MYO1H: variants seen among roughly 807,000 people sequenced by gnomAD.
MYO1H encodes unconventional myosin-Ih.
MYO1H carries 118 observed loss-of-function variants against 149.3 expected under a neutral mutation model. The observed-to-expected ratio is 0.79, with a 90% confidence interval of 0.68 to 0.92. The LOEUF (loss-of-function observed/expected upper bound fraction) is 0.92. Ranked by LOEUF, MYO1H falls within the 40% of genes least tolerant of loss-of-function variation. The pLI, the probability that MYO1H is intolerant of heterozygous loss-of-function variation, is 0.00. For missense variants in MYO1H, 1,212 were observed against 1,280.7 expected (o/e 0.95, Z 0.82); for synonymous variants, 447 against 465.2 (o/e 0.96, Z 0.50).
chr12:109,414,029 G>T (rs887048499), intron 14 of MYO1H, among the ~76,000 whole-genome samples: 3 of 152,160 alleles, frequency 2.0e-5, no homozygotes, highest in African/African-American at 7.2e-5. Context: ...CTCAAAGTGG[G>T]GGTTCTCAGG....
chr12:109,438,305 C>T (rs1317119564), intron 22 of MYO1H, among the ~76,000 whole-genome samples: 1 of 152,064 alleles, frequency 6.6e-6, no homozygotes, highest in Non-Finnish European at 1.5e-5. Flanking sequence ...TCAGGGCTTC[C>T]CTAGAAACCT....
At chr12:109,408,540 T>C (rs1870498046) in intron 10 of MYO1H, among the ~76,000 whole-genome samples, 1 of 152,142 alleles carries the variant, frequency 6.6e-6, no homozygotes, top group Non-Finnish European at 1.5e-5. Flanking sequence ...TTTTAACATA[T>C]TTACGAAAAA....
In MYO1H at chr12:109,406,467, TAAAAAAAAAAAAAAAAAA is replaced by T. The variant is rs56744077; in HGVS notation, c.964-306_964-289del. Among the ~76,000 whole-genome samples the T allele has an allele frequency of 7.1e-3, 311 of 43,654 alleles. 5 individuals carry two copies. Among genetic ancestry groups the T allele is most frequent in the African/African-American group, 0.029 (298 of 10,120 alleles). The allele number at this position is 43,654 out of a possible 152,430, so 28.6% of individuals were successfully genotyped here. ...GGCAACATAGTGAGACCCTATCTCT[TAAAAAAAAAAAAAAAAAA>T]AAAAAAAAAAAAAAATTAGCTATGA... is the stretch of plus-strand genomic sequence containing the variant. On this transcript the variant is annotated intron_variant, in intron 8 of 31. Transcript: ENST00000310903.
intron 15 of MYO1H, among the ~76,000 whole-genome samples, chr12:109,417,973 G>A (rs1296703503): frequency 2.0e-5 from 3 of 151,124 alleles, no homozygotes; most frequent in Admixed American, 6.6e-5. Flanking sequence ...CCGCCACCAC[G>A]CCCGGCTAAT....
At chr12:109,370,462 C>G (rs1868958028) in intron 1 of MYO1H, among the ~76,000 whole-genome samples, 1 of 152,216 alleles carries the variant, frequency 6.6e-6, no homozygotes, top group Admixed American at 6.5e-5. Context: ...TCCCCCATCA[C>G]TTAGCTTCCC....
At chr12:109,440,993 A>G (rs913421795) in intron 25 of MYO1H, among the ~76,000 whole-genome samples, 166 bp downstream of exon 25, 2 of 152,212 alleles carry the variant, frequency 1.3e-5, no homozygotes, top group Admixed American at 6.5e-5. Context: ...AGAGCCCTGG[A>G]TGAATGCCAG....
intron 15 of MYO1H, among the ~76,000 whole-genome samples, chr12:109,418,803 C>T (rs1871043187): frequency 6.6e-6 from 1 of 152,206 alleles, no homozygotes; most frequent in South Asian, 2.1e-4. Flanking sequence ...CTCAGCCTCT[C>T]AAAGTGCTGG....
At chr12:109,444,562 T>C in intron 30 of MYO1H, 33 bp downstream of exon 30, 1 of 1,538,736 alleles carries the variant, frequency 6.5e-7, no homozygotes, top group East Asian at 2.2e-5. Flanking sequence ...CAGGAAGTAA[T>C]TCAATGTTAA....
In MYO1H at chr12:109,415,522, GTAGCCGTAA is replaced by G. The variant is rs1566034346; in HGVS notation, c.1503-3_1508del. 1 of 1,599,886 alleles carries G rather than the reference GTAGCCGTAA, an allele frequency of 6.3e-7. No homozygotes were observed. Among genetic ancestry groups the G allele is most frequent in the South Asian group, 1.1e-5 (1 of 88,334 alleles). ...TTCAACTCGTGTCTATTTCTGTCTCGTAGCCGTAAGCTGGCTGGTCCAAAGGGCCGAAAG... is the reference window on the plus strand; with the variant it reads ...TTCAACTCGTGTCTATTTCTGTCTCGGCTGGCTGGTCCAAAGGGCCGAAAG... On this transcript the variant is annotated splice_acceptor_variant and splice_polypyrimidine_tract_variant and coding_sequence_variant and intron_variant, in exon 15 of 32. Coordinates refer to ENST00000310903, the Ensembl canonical transcript of MYO1H. LOFTEE classifies it high-confidence loss of function.
At chr12:109,414,914 G>A (rs529121291) in intron 14 of MYO1H, among the ~76,000 whole-genome samples, 5 of 152,016 alleles carry the variant, frequency 3.3e-5, no homozygotes, top group Admixed American at 2.0e-4. Context: ...GTCTTGCTGT[G>A]TTGCCCAGAC....
At chr12:109,344,722 A>T (rs2136987757), upstream of MYO1H, among the ~76,000 whole-genome samples, 1 of 152,336 alleles carries the variant, frequency 6.6e-6, no homozygotes, top group South Asian at 2.1e-4. Flanking sequence ...ACATTTCCTG[A>T]TTTTAAAACT....
intron 25 of MYO1H, among the ~76,000 whole-genome samples, chr12:109,441,408 G>C (rs1245983612): frequency 6.6e-6 from 1 of 152,098 alleles, no homozygotes; most frequent in Non-Finnish European, 1.5e-5. Flanking sequence ...GTAAGGGAAC[G>C]AGCAGAAACG....
chr12:109,407,952 G>C, intron 10 of MYO1H, 39 bp downstream of exon 10: 4 of 1,583,740 alleles, frequency 2.5e-6, no homozygotes, highest in South Asian at 1.1e-5. Context: ...TCTTGCTCAC[G>C]TGGTGATGTT....
At chr12:109,387,724 C>G (rs1869414956) in intron 1 of MYO1H, among the ~76,000 whole-genome samples, 1 of 152,236 alleles carries the variant, frequency 6.6e-6, no homozygotes, top group African/African-American at 2.4e-5. Context: ...CCTCACAGCT[C>G]TGGCCAAGGG....
rs1279854832 is a variant in MYO1H at position 109,444,418 on chromosome 12, C to T, written c.2896-14C>T. The T allele has an allele frequency of 1.2e-6, 2 of 1,610,250 alleles. No homozygotes were observed. The highest frequency in any genetic ancestry group is 1.3e-5 in the African/African-American group (1 of 74,884). ...TGAATACTGAAATTATGCCTTGTCT[C>T]CTCCCCACCCCAGGGGGATGCCGTT... On this transcript the variant is annotated splice_polypyrimidine_tract_variant and intron_variant, in intron 29 of 31. Coordinates refer to ENST00000310903, the Ensembl canonical transcript of MYO1H.
intron 21 of MYO1H, among the ~76,000 whole-genome samples, 157 bp from the exon 22 acceptor site, chr12:109,436,329 GCT>G (rs1267150476): frequency 1.3e-5 from 2 of 152,128 alleles, no homozygotes; most frequent in African/African-American, 2.4e-5. Flanking sequence ...TAACCAGCCA[GCT>G]CTCAGGTCTG....
chr12:109,358,726 A>G (rs930254623), intron 1 of MYO1H, among the ~76,000 whole-genome samples: 1 of 151,528 alleles, frequency 6.6e-6, no homozygotes, highest in African/African-American at 2.4e-5. Flanking sequence ...AAGCGATACC[A>G]TGAGCGTTTT....
intron 22 of MYO1H, 122 bp from the exon 23 acceptor site, chr12:109,438,414 G>A: frequency 2.7e-6 from 2 of 736,830 alleles, no homozygotes; most frequent in Non-Finnish European, 4.7e-6. Context: ...CATCTCTGAG[G>A]CTAACAGAGT....
the MYO1H span, among the ~76,000 whole-genome samples, chr12:109,327,835 C>T: frequency 2.0e-5 from 3 of 151,168 alleles, no homozygotes; most frequent in Non-Finnish European, 4.4e-5. Flanking sequence ...TTCAATTCAA[C>T]CTAAAAATAT....
Sources: allele counts gnomAD v4.1 joint callset (sites outside exome capture counted in the v4.1 genomes callset), GRCh38; gene constraint gnomAD v4.1.1; transcripts MANE v1.5; gene names NCBI Gene and HGNC (gene_info 2026-07-23, HGNC 2026-07-21).